The following ANKIB1 variants were observed in gnomAD, a reference collection of about 807,000 sequenced individuals.
ANKIB1 encodes ankyrin repeat and IBR domain containing 1, also known as ankyrin repeat and IBR domain-containing protein 1.
ANKIB1 carries 43 observed loss-of-function variants against 122.1 expected under a neutral mutation model. The observed-to-expected ratio is 0.35, with a 90% CI of 0.28 to 0.45. ANKIB1 has a LOEUF of 0.45. Among genes scored for constraint, ANKIB1 ranks in the 20% least tolerant of loss-of-function variants. The pLI is 1.00. For synonymous variants in ANKIB1, 390 were observed against 442.0 expected (o/e 0.88, Z 1.48); for missense variants, 992 against 1,329.5 (o/e 0.75, Z 3.95).
intron 11 of ANKIB1, among the ~76,000 whole-genome samples, chr7:92,378,689 G>T (rs566829977): frequency 1.3e-5 from 2 of 152,140 alleles, no homozygotes; most frequent in East Asian, 1.9e-4. Context: ...GAAGATACCA[G>T]TCAACATAAT....
In ANKIB1 at chr7:92,391,234, C is replaced by T; in HGVS notation, c.2121C>T (p.Arg707=). Residue 707 remains arginine, a synonymous_variant, in exon 16 of 20, where the codon CGC becomes CGT. Coordinates refer to ENST00000265742, the MANE Select transcript of ANKIB1 (RefSeq NM_019004.2). The part of the protein sequence containing the change: ...KVNRPYLRTP[R]HKIIKAACLV... ...ATAGGCCTTACCTTCGCACACCCCG[C>T]CACAAGATCATCAAAGCAGCATGCC... The T allele has an allele frequency of 1.2e-6, 2 of 1,613,416 alleles. No individual in the cohort carries two copies. The highest frequency in any genetic ancestry group is 1.7e-6 in the Non-Finnish European group (2 of 1,179,632).
intron 11 of ANKIB1, among the ~76,000 whole-genome samples, chr7:92,375,574 C>G (rs911149834): frequency 1.3e-5 from 2 of 152,236 alleles, no homozygotes; most frequent in Non-Finnish European, 2.9e-5. Flanking sequence ...CATCTTCAGG[C>G]TGCACTTCCA....
chr7:92,291,979 C>G (rs1198401167), intron 1 of ANKIB1, among the ~76,000 whole-genome samples: 1 of 152,160 alleles, frequency 6.6e-6, no homozygotes, highest in Non-Finnish European at 1.5e-5. Flanking sequence ...GAATTAGAAG[C>G]CCAAAATAAG....
intron 5 of ANKIB1, among the ~76,000 whole-genome samples, chr7:92,342,579 C>A (rs952866809): frequency 6.6e-6 from 1 of 152,056 alleles, no homozygotes; most frequent in Non-Finnish European, 1.5e-5. Flanking sequence ...ATTTTTAGGA[C>A]CTGTAATTGG....
At chr7:92,362,394 C>G (rs1261681223) in intron 10 of ANKIB1, 121 bp downstream of exon 10, 2 of 839,140 alleles carry the variant, frequency 2.4e-6, no homozygotes, top group Non-Finnish European at 3.8e-6. Context: ...CAAGTGCTCT[C>G]CTGTTTAACA....
In ANKIB1 at chr7:92,365,467, T is replaced by G. The variant is rs147331269; in HGVS notation, c.1486+3194T>G. On this transcript the variant is annotated intron_variant, in intron 10 of 19. Coordinates refer to ENST00000265742, the MANE Select transcript of ANKIB1 (RefSeq NM_019004.2). ...CAAATAATTCATACAATCACTTTAG[T>G]GATGCATTGAGAGATGAGACTGTGC... Among the ~76,000 whole-genome samples, 6 of 152,328 alleles carry G rather than the reference T, an allele frequency of 3.9e-5. No homozygotes were observed. The East Asian group carries it at 1.2e-3, about 29-fold the overall frequency.
intron 3 of ANKIB1, among the ~76,000 whole-genome samples, chr7:92,314,404 A>G (rs1014810968): frequency 6.6e-6 from 1 of 152,216 alleles, no homozygotes; most frequent in Non-Finnish European, 1.5e-5. Context: ...TGAATGGGGT[A>G]CTTCCAAAGC....
In ANKIB1 at chr7:92,383,054, G is replaced by A. The variant is rs1199650163; in HGVS notation, c.1618-3455G>A. Among the ~76,000 whole-genome samples, 3 of 151,970 alleles carry A rather than the reference G, an allele frequency of 2.0e-5. No individual in the cohort carries two copies. In the East Asian group the frequency reaches 5.8e-4, roughly 29 times the overall value. Reference sequence around the variant, plus strand: ...ATAGATGCAATAAAAAATGATAAAGGGGATATCACCACTAATCCCACAGAA... The same window carrying A: ...ATAGATGCAATAAAAAATGATAAAGAGGATATCACCACTAATCCCACAGAA... On this transcript the variant is annotated intron_variant, in intron 11 of 19. Transcript: ENST00000265742.
intron 1 of ANKIB1, among the ~76,000 whole-genome samples, chr7:92,260,776 AG>A (rs1801546103): frequency 6.6e-6 from 1 of 151,688 alleles, no homozygotes; most frequent in Non-Finnish European, 1.5e-5. Flanking sequence ...GCTTTATTTG[AG>A]AAAGAAACAA....
intron 10 of ANKIB1, among the ~76,000 whole-genome samples, chr7:92,369,391 T>G (rs1393851523): frequency 6.6e-6 from 1 of 152,196 alleles, no homozygotes; most frequent in Non-Finnish European, 1.5e-5. Context: ...AATATAAACT[T>G]AAGTAGGCAA....
At chr7:92,276,818 C>T (rs1452778261) in intron 1 of ANKIB1, among the ~76,000 whole-genome samples, 1 of 152,218 alleles carries the variant, frequency 6.6e-6, no homozygotes, top group Non-Finnish European at 1.5e-5. Context: ...GAAAGGAGTG[C>T]ATTTCCAGAG....
intron 12 of ANKIB1, among the ~76,000 whole-genome samples, chr7:92,387,142 G>C (rs1003296421): frequency 3.3e-5 from 5 of 152,154 alleles, no homozygotes; most frequent in Non-Finnish European, 2.9e-5. Flanking sequence ...AAAAGACAGA[G>C]AGACCTCTGG....
At chr7:92,288,761 A>G (rs1027310182) in intron 1 of ANKIB1, among the ~76,000 whole-genome samples, 2 of 152,210 alleles carry the variant, frequency 1.3e-5, no homozygotes, top group African/African-American at 4.8e-5. Context: ...GCATGAAAGC[A>G]TGTTCGACAT....
rs750856457 is a variant in ANKIB1 at position 92,398,923 on chromosome 7, T to C, written c.3244T>C (p.Trp1082Arg). 2 of 1,588,442 alleles carry C rather than the reference T, an allele frequency of 1.3e-6. No individual in the cohort carries two copies. Among genetic ancestry groups the C allele is most frequent in the East Asian group, 2.2e-5 (1 of 44,552 alleles). The change falls in exon 20 of 20, where the codon TGG (tryptophan) becomes CGG (arginine). Residue 1082 changes from tryptophan to arginine, a missense_variant. Trp to Arg is a moderately radical substitution (Grantham distance 101). This residue lies in a region of ANKIB1 where 384 missense variants were observed against 412.0 expected (regional missense o/e 0.93). Transcript: ENST00000265742. ...TCAAACACCTCAAACCTCAAGTGAC[T>C]GGCTTGAACAAGTACATTTAGTGTG... ...SSQTPQTSSD[W>R]LEQVHLV is the part of the protein sequence containing the mutation.
intron 1 of ANKIB1, among the ~76,000 whole-genome samples, chr7:92,248,711 G>GA (rs141979619): frequency 0.015 from 2,313 of 152,196 alleles, 53 homozygotes; most frequent in African/African-American, 0.052. Flanking sequence ...CATTATTAAA[G>GA]AGACCAGTCT....
At chr7:92,360,813 T>C (rs1026240836) in intron 9 of ANKIB1, among the ~76,000 whole-genome samples, 1 of 152,160 alleles carries the variant, frequency 6.6e-6, no homozygotes, top group Admixed American at 6.6e-5. Flanking sequence ...TTCCTCTTAG[T>C]TTTTAAGACT....
At chr7:92,299,310 T>C (rs893138543) in intron 2 of ANKIB1, among the ~76,000 whole-genome samples, 11 of 152,232 alleles carry the variant, frequency 7.2e-5, no homozygotes, top group African/African-American at 2.4e-4. Context: ...ATCAATATTT[T>C]TGAGAAGATC....
Position 92,319,347 on chromosome 7 carries a change from A to T in ANKIB1, c.504A>T (p.Gly168=). 3 of 1,591,660 alleles carry T rather than the reference A, an allele frequency of 1.9e-6. No homozygotes were observed. The highest frequency in any genetic ancestry group is 2.6e-6 in the Non-Finnish European group (3 of 1,171,582). ...TTTTTTAGCTTTTAGTAAAACATGGAGGAGACTTGTTTGCTGAGAATGAAA... is the reference window on the plus strand; with the variant it reads ...TTTTTTAGCTTTTAGTAAAACATGGTGGAGACTTGTTTGCTGAGAATGAAA... The part of the protein sequence containing the change: ...KACVELLVKH[G]GDLFAENENK... The change falls in exon 4 of 20, where the codon GGA becomes GGT. Residue 168 remains glycine (G), a synonymous_variant. Coordinates refer to ENST00000265742, the MANE Select transcript of ANKIB1 (RefSeq NM_019004.2).
At chr7:92,306,470 C>T (rs1802564163) in intron 2 of ANKIB1, among the ~76,000 whole-genome samples, 1 of 152,030 alleles carries the variant, frequency 6.6e-6, no homozygotes, top group Non-Finnish European at 1.5e-5. Context: ...CCACAACTCC[C>T]CTCAGAAAGT....
Sources: allele counts gnomAD v4.1 joint callset (sites outside exome capture counted in the v4.1 genomes callset), GRCh38; gene constraint gnomAD v4.1.1; regional missense constraint gnomAD v4.1.1; transcripts MANE v1.5; gene names NCBI Gene and HGNC (gene_info 2026-07-23, HGNC 2026-07-21).